C19orf18: variants seen among roughly 807,000 people sequenced by gnomAD.
The protein encoded by C19orf18 is chromosome 19 open reading frame 18.
Under a neutral mutation model 23.3 loss-of-function variants are expected in C19orf18, and 21 were observed. The observed-to-expected ratio is 0.90, with a 90% CI of 0.64 to 1.30. C19orf18 has a LOEUF of 1.30. Among genes scored for constraint, C19orf18 ranks in the 50% most tolerant of loss-of-function variants. The probability of loss-of-function intolerance (pLI) is 0.00; values close to 1 mark genes in which losing one functional copy is unlikely to be tolerated. For missense variants in C19orf18, 249 were observed against 259.6 expected (o/e 0.96, Z 0.28); for synonymous variants, 96 against 95.2 (o/e 1.01, Z -0.05).
rs1440948671 is a variant in C19orf18, at chr19:57,962,481, TTC to T, written c.372-932_372-931del. 2.0e-5 allele frequency among the ~76,000 whole-genome samples: 3 copies of T among 152,190 alleles called. No individual in the cohort carries two copies. The South Asian group carries it at 6.2e-4, about 31-fold the overall frequency. On this transcript the variant is annotated intron_variant, in intron 4 of 5. Coordinates refer to ENST00000314391, the MANE Select transcript of C19orf18 (RefSeq NM_152474.5). ...TGGAAGTGGATCACTGAACAGCTATTTCTGTTTGGTGTGGAAATGGATGACAG... is the reference window on the plus strand; with the variant it reads ...TGGAAGTGGATCACTGAACAGCTATTTGTTTGGTGTGGAAATGGATGACAG...
At chr19:57,959,864 C>A (rs2072853430) in intron 5 of C19orf18, among the ~76,000 whole-genome samples, 1 of 149,874 alleles carries the variant, frequency 6.7e-6, no homozygotes. Flanking sequence ...ACTCCTAGCA[C>A]TTTGGGAGGC....
chr19:57,959,971 T>G lies in C19orf18; in HGVS notation c.533-1254A>C, dbSNP rs1277121001. Among the ~76,000 whole-genome samples the G allele has an allele frequency of 3.4e-5, 5 of 148,094 alleles. No homozygotes were observed. In the Admixed American group the frequency reaches 3.4e-4, roughly 10 times the overall value. The stretch of plus-strand genomic sequence containing the variant: ...TAAAAATACAAAAATTAGCCAGGGG[T>G]CATGGTGCACGCCTGTAATCCCAGC... On this transcript the variant is annotated intron_variant, in intron 5 of 5. Transcript: ENST00000314391.
Position 57,958,628 on chromosome 19 carries a change from G to A in C19orf18, c.622C>T (p.His208Tyr), listed in dbSNP as rs8110831. The A allele has an allele frequency of 4.8e-4, 771 of 1,606,784 alleles. 4 individuals are homozygous for A. In the African/African-American group the frequency reaches 9.4e-3, roughly 20 times the overall value. ...VTENKTKNAS[H>Y]NGKMEDL Reference sequence around the variant, plus strand: ...CACAAGTCTTCCATTTTTCCATTATGTGACGCATTCTTTGTTTTGTTTTCT... The same window carrying A: ...CACAAGTCTTCCATTTTTCCATTATATGACGCATTCTTTGTTTTGTTTTCT... The change falls in exon 6 of 6, where the codon CAT becomes TAT. Residue 208 changes from histidine to tyrosine, a missense_variant. Coordinates refer to ENST00000314391, the MANE Select transcript of C19orf18 (RefSeq NM_152474.5).
chr19:57,967,403 C>T (rs767829807), intron 3 of C19orf18, among the ~76,000 whole-genome samples: 5 of 152,258 alleles, frequency 3.3e-5, no homozygotes, highest in Non-Finnish European at 4.4e-5. Context: ...CGTGATACTA[C>T]GGTGCCAGTT....
chr19:57,960,951 G>A (rs1270746415), intron 5 of C19orf18, among the ~76,000 whole-genome samples: 21 of 152,080 alleles, frequency 1.4e-4, no homozygotes, highest in Admixed American at 1.1e-3. Flanking sequence ...AGGCCGAGGC[G>A]GGCGGATCAC....
At chr19:57,966,309 T>G (rs1483365903) in intron 4 of C19orf18, among the ~76,000 whole-genome samples, 1 of 152,196 alleles carries the variant, frequency 6.6e-6, no homozygotes, top group Non-Finnish European at 1.5e-5. Flanking sequence ...TTCTGCTGAA[T>G]TGTATTCTGT....
chr19:57,969,551 T>G, intron 3 of C19orf18, among the ~76,000 whole-genome samples: 1 of 100,404 alleles, frequency 1.0e-5, no homozygotes, highest in Non-Finnish European at 1.8e-5. Flanking sequence ...TGAGACTCTG[T>G]CTTAAAAAAA....
At chr19:57,965,513 A>C (rs2123224247) in intron 4 of C19orf18, among the ~76,000 whole-genome samples, 1 of 152,332 alleles carries the variant, frequency 6.6e-6, no homozygotes, top group African/African-American at 2.4e-5. Flanking sequence ...TGGGAGGCCA[A>C]GGTAGGCGGA....
intron 5 of C19orf18, among the ~76,000 whole-genome samples, chr19:57,960,906 G>C (rs1285685805): frequency 1.3e-5 from 2 of 152,106 alleles, no homozygotes; most frequent in Non-Finnish European, 2.9e-5. Flanking sequence ...CAGGCCAGGC[G>C]CGGTGGCTCA....
chr19:57,968,061 C>A (rs1291848738), intron 3 of C19orf18, among the ~76,000 whole-genome samples: 3 of 152,170 alleles, frequency 2.0e-5, no homozygotes, highest in Non-Finnish European at 4.4e-5. Context: ...ATTGGTTTCT[C>A]ACAGTTCTGG....
intron 5 of C19orf18, 84 bp downstream of exon 5, chr19:57,961,307 C>T: frequency 1.5e-6 from 2 of 1,306,414 alleles, no homozygotes; most frequent in Non-Finnish European, 2.1e-6. Flanking sequence ...AAATGCAAGC[C>T]ACCGCTGAGA....
At chr19:57,970,146 G>C (rs79841960) in intron 3 of C19orf18, among the ~76,000 whole-genome samples, 3 of 152,128 alleles carry the variant, frequency 2.0e-5, no homozygotes, top group African/African-American at 7.2e-5. Context: ...CTGAACCTGA[G>C]AGCAATGTGG....
chr19:57,969,879 C>CAAAA (rs71293938), intron 3 of C19orf18, among the ~76,000 whole-genome samples: 45 of 121,038 alleles, frequency 3.7e-4, no homozygotes, highest in East Asian at 2.2e-3. Flanking sequence ...AACTCCATCT[C>CAAAA]AAAAAAAAAA....
intron 3 of C19orf18, among the ~76,000 whole-genome samples, chr19:57,970,417 G>A (rs1331307583): frequency 6.6e-6 from 1 of 152,144 alleles, no homozygotes; most frequent in African/African-American, 2.4e-5. Flanking sequence ...CTCCTCTTTG[G>A]AAATGCTGTC....
At chr19:57,959,693 G>A (rs1413356556) in intron 5 of C19orf18, among the ~76,000 whole-genome samples, 1 of 151,756 alleles carries the variant, frequency 6.6e-6, no homozygotes, top group African/African-American at 2.4e-5. Context: ...AACTCAGGAG[G>A]CTGAGGTGGG....
chr19:57,972,617 T>C (rs548083353), intron 2 of C19orf18, 113 bp from the exon 3 acceptor site: 2 of 1,147,316 alleles, frequency 1.7e-6, no homozygotes, highest in African/African-American at 3.1e-5. Flanking sequence ...ACACACAGCT[T>C]CCAAATATCT....
intron 3 of C19orf18, among the ~76,000 whole-genome samples, chr19:57,972,247 A>C (rs2072950020): frequency 6.6e-6 from 1 of 152,158 alleles, no homozygotes; most frequent in Non-Finnish European, 1.5e-5. Context: ...TGCTCTACTC[A>C]CTACAACATC....
In C19orf18 at chr19:57,963,653, C is replaced by T. The variant is rs562886268; in HGVS notation, c.372-2102G>A. On this transcript the variant is annotated intron_variant, in intron 4 of 5. Transcript: ENST00000314391. ...CTGTAATCCCAGCACTTTGGGAGTC[C>T]GAGGCGGGCGGATCACGAGGTCAGG... is the stretch of plus-strand genomic sequence containing the variant. Among the ~76,000 whole-genome samples, 406 of 152,026 alleles carry T rather than the reference C, an allele frequency of 2.7e-3. 1 individual carries two copies. Among genetic ancestry groups the T allele is most frequent in the African/African-American group, 9.5e-3 (396 of 41,486 alleles).
At chr19:57,963,822 G>A (rs527921678) in intron 4 of C19orf18, among the ~76,000 whole-genome samples, 48 of 152,204 alleles carry the variant, frequency 3.2e-4, no homozygotes, top group Admixed American at 5.2e-4. Flanking sequence ...CCTGGGAGGC[G>A]GGGCTTGCAG....
Sources: gnomAD v4.1 joint callset for allele counts (sites outside exome capture counted in the v4.1 genomes callset) on GRCh38, gnomAD v4.1.1 for gene constraint, MANE v1.5 for transcripts, NCBI Gene and HGNC (gene_info 2026-07-23, HGNC 2026-07-21) for gene names.